Variants in TAOK3 observed in about 807,000 individuals in gnomAD.
TAOK3 encodes the protein TAO kinase 3.
Under a neutral mutation model 120.4 loss-of-function variants are expected in TAOK3, and 40 were observed. The ratio of observed to expected loss-of-function variants is 0.33; its 90% CI spans 0.26 to 0.43. The LOEUF (loss-of-function observed/expected upper bound fraction) is 0.43, where lower values mean the gene tolerates loss of function less well. TAOK3 is among the 20% of genes least tolerant of loss of function. TAOK3 has a pLI of 1.00. For synonymous variants in TAOK3, 355 were observed against 387.5 expected (o/e 0.92, Z 0.99); for missense variants, 821 against 1,112.1 (o/e 0.74, Z 3.72).
At chr12:118,359,070 GAACTTAAGTT>G (rs1317081944) in intron 1 of TAOK3, 1 of 152,046 alleles carries the variant, frequency 6.6e-6, no homozygotes, top group African/African-American at 2.4e-5. Context: ...AGAAAAAACT[GAACTTAAGTT>G]ATAAGAACAC....
intron 15 of TAOK3, among the ~76,000 whole-genome samples, chr12:118,178,248 G>A (rs902247957): frequency 4.6e-5 from 7 of 152,094 alleles, no homozygotes; most frequent in East Asian, 1.9e-4. Context: ...CACCATGCCC[G>A]GTCAGAACTA....
intron 1 of TAOK3, among the ~76,000 whole-genome samples, chr12:118,349,533 T>C (rs530385354): frequency 3.0e-4 from 45 of 152,306 alleles, no homozygotes; most frequent in South Asian, 6.2e-4. Flanking sequence ...GTTCCAGTTA[T>C]ACAAAATGTC....
intron 15 of TAOK3, among the ~76,000 whole-genome samples, chr12:118,177,846 G>T (rs1186342947): frequency 6.6e-6 from 1 of 151,840 alleles, no homozygotes; most frequent in Admixed American, 6.6e-5. Flanking sequence ...AAAAGAAAAA[G>T]AAAAAGAAAA....
intron 16 of TAOK3, among the ~76,000 whole-genome samples, chr12:118,176,216 G>T (rs12320014): frequency 0.026 from 3,892 of 152,210 alleles, 158 homozygotes; most frequent in African/African-American, 0.087. Flanking sequence ...GGAGGGCTTG[G>T]GGGTAGGGAG....
intron 3 of TAOK3, among the ~76,000 whole-genome samples, chr12:118,251,051 G>C (rs2040728444): frequency 6.6e-6 from 1 of 152,166 alleles, no homozygotes; most frequent in Non-Finnish European, 1.5e-5. Flanking sequence ...GGCTATAGTA[G>C]GGATTTTGAT....
chr12:118,368,388 G>T (rs1673249716), intron 1 of TAOK3, among the ~76,000 whole-genome samples: 1 of 152,020 alleles, frequency 6.6e-6, no homozygotes, highest in African/African-American at 2.4e-5. Flanking sequence ...AGTAGAGACG[G>T]GTTTTCACCA....
At chr12:118,255,707 G>A in intron 2 of TAOK3, 52 bp from the exon 3 acceptor site, 1 of 872,862 alleles carries the variant, frequency 1.1e-6, no homozygotes, top group Non-Finnish European at 1.7e-6. Context: ...ATTTTACTTG[G>A]TGGCAATACA....
At chr12:118,222,847 T>C (rs2039303958) in intron 9 of TAOK3, among the ~76,000 whole-genome samples, 1 of 151,970 alleles carries the variant, frequency 6.6e-6, no homozygotes. Context: ...AGGTGACAAG[T>C]GCACTAAAAT....
intron 1 of TAOK3, among the ~76,000 whole-genome samples, chr12:118,343,901 A>C (rs1339246186): frequency 6.6e-6 from 1 of 151,672 alleles, no homozygotes; most frequent in Non-Finnish European, 1.5e-5. Flanking sequence ...AGTCCCAGCT[A>C]CTCAGGAGGC....
intron 9 of TAOK3, among the ~76,000 whole-genome samples, chr12:118,226,203 G>A (rs1275852014): frequency 1.3e-5 from 2 of 152,320 alleles, no homozygotes; most frequent in Non-Finnish European, 2.9e-5. Flanking sequence ...GTGAAACCCC[G>A]TCTCTACTGA....
At chr12:118,294,562 T>G (rs2042605024) in intron 1 of TAOK3, among the ~76,000 whole-genome samples, 1 of 152,004 alleles carries the variant, frequency 6.6e-6, no homozygotes, top group African/African-American at 2.4e-5. Context: ...TTTTGTATTT[T>G]TAGTAGAGAT....
intron 9 of TAOK3, among the ~76,000 whole-genome samples, chr12:118,222,968 C>T (rs1166670527): frequency 6.6e-6 from 1 of 151,288 alleles, no homozygotes; most frequent in Non-Finnish European, 1.5e-5. Flanking sequence ...ATCAGAGTGT[C>T]TACTGGGCTT....
chr12:118,351,089 G>C (rs1477074329), intron 1 of TAOK3, among the ~76,000 whole-genome samples: 1 of 152,116 alleles, frequency 6.6e-6, no homozygotes, highest in South Asian at 2.1e-4. Flanking sequence ...TGAGGCACGA[G>C]AATCACTTGA....
intron 1 of TAOK3, among the ~76,000 whole-genome samples, chr12:118,336,555 G>A (rs937763809): frequency 8.6e-5 from 13 of 151,742 alleles, no homozygotes; most frequent in African/African-American, 2.4e-4. Context: ...AGAATTCTGA[G>A]ACACCAAAAG....
intron 1 of TAOK3, among the ~76,000 whole-genome samples, chr12:118,321,837 T>G (rs1332942029): frequency 3.3e-5 from 5 of 152,160 alleles, no homozygotes; most frequent in African/African-American, 1.2e-4. Flanking sequence ...TTGCAAGTTT[T>G]TTTTTTGAGA....
chr12:118,241,943 T>C (rs1355856808), intron 5 of TAOK3, among the ~76,000 whole-genome samples: 1 of 152,020 alleles, frequency 6.6e-6, no homozygotes, highest in Non-Finnish European at 1.5e-5. Flanking sequence ...AAACCCCGTC[T>C]CTACTAAATA....
intron 4 of TAOK3, among the ~76,000 whole-genome samples, 161 bp from the exon 5 acceptor site, chr12:118,243,677 CTCTT>C (rs369353289): frequency 6.6e-6 from 1 of 151,948 alleles, no homozygotes; most frequent in African/African-American, 2.4e-5. Flanking sequence ...CTTTCTCTCT[CTCTT>C]TTTGTTTTTA....
At chr12:118,166,829 C>T (rs61943533) in intron 17 of TAOK3, among the ~76,000 whole-genome samples, 51,941 of 126,650 alleles carry the variant, frequency 0.41, 9,447 homozygotes, top group Admixed American at 0.46. Context: ...TATATATATA[C>T]ACACACACAC....
At chr12:118,211,787 T>A (rs2038649228) in intron 11 of TAOK3, among the ~76,000 whole-genome samples, 1 of 152,100 alleles carries the variant, frequency 6.6e-6, no homozygotes, top group Non-Finnish European at 1.5e-5. Flanking sequence ...AGCTCCACAT[T>A]TTTTCCCCTT....
Sources: gnomAD v4.1 joint callset for allele counts (sites outside exome capture counted in the v4.1 genomes callset) on GRCh38, gnomAD v4.1.1 for gene constraint, MANE v1.5 for transcripts, NCBI Gene and HGNC (gene_info 2026-07-23, HGNC 2026-07-21) for gene names.